ATP2B4: variants seen among roughly 807,000 people sequenced by gnomAD.
ATP2B4 encodes the protein plasma membrane calcium-transporting ATPase 4.
A neutral mutation model predicts 110.3 loss-of-function variants in ATP2B4; 39 were observed. The ratio of observed to expected loss-of-function variants is 0.35; its 90% CI spans 0.27 to 0.46. The LOEUF (loss-of-function observed/expected upper bound fraction) is 0.46, where lower values mean the gene tolerates loss of function less well. Ranked by LOEUF, ATP2B4 falls within the 20% of genes least tolerant of loss-of-function variation. The pLI is 1.00. For synonymous variants in ATP2B4, 538 were observed against 571.7 expected (o/e 0.94, Z 0.84); for missense variants, 1,135 against 1,530.9 (o/e 0.74, Z 4.32).
intron 5 of ATP2B4, 32 bp from the exon 6 acceptor site, chr1:203,700,766 C>T: frequency 6.2e-7 from 1 of 1,610,610 alleles, no homozygotes; most frequent in Non-Finnish European, 8.5e-7. Flanking sequence ...TTAAAAAACC[C>T]ATTCCTTCCC....
rs1201996637 is a variant in ATP2B4, at chr1:203,743,339, T to C, written c.*3485T>C. The C allele has an allele frequency of 3.9e-5, 6 of 152,750 alleles. No individual in the cohort carries two copies. The highest frequency in any genetic ancestry group is 1.9e-4 in the East Asian group (1 of 5,192). 9.5% of individuals were successfully genotyped at this position (152,750 alleles called of 1,614,324 possible). On this transcript the variant is annotated 3_prime_UTR_variant, in exon 21 of 21. Transcript: ENST00000357681. ...ATATCTAGGGACCACCCCCGATGCA[T>C]TGGTGAGGGTGGGCACTTATAAATG...
chr1:203,672,356 TA>T (rs71566123), intron 1 of ATP2B4, among the ~76,000 whole-genome samples: 3 of 59,706 alleles, frequency 5.0e-5, no homozygotes, highest in Admixed American at 1.9e-4. Context: ...TTTTTTTTTT[TA>T]AAGCTGATTT....
At chr1:203,734,655 G>A (rs566346480) in intron 20 of ATP2B4, among the ~76,000 whole-genome samples, 12 of 148,364 alleles carry the variant, frequency 8.1e-5, no homozygotes, top group Middle Eastern at 7.2e-3. Flanking sequence ...GCAGTGAGCC[G>A]AGATAGCACC....
In ATP2B4 at chr1:203,676,912, G is replaced by A. The variant is rs80318228; in HGVS notation, c.-464-5830G>A. ...TGCCTTCCCAGAAAGTTTACAAGAG[G>A]TAGATATTTCCCTGACCTATTTCAG... is the stretch of plus-strand genomic sequence containing the variant. On this transcript the variant is annotated intron_variant, in intron 1 of 20. Transcript: ENST00000357681. 2.7e-3 allele frequency among the ~76,000 whole-genome samples: 406 copies of A among 152,298 alleles called. 8 individuals carry two copies. The East Asian group carries it at 0.035, about 13-fold the overall frequency.
chr1:203,632,349 T>A (rs945139584), intron 1 of ATP2B4, among the ~76,000 whole-genome samples: 1 of 144,736 alleles, frequency 6.9e-6, no homozygotes, highest in African/African-American at 2.5e-5. Context: ...AAGTAAGAAA[T>A]TTTTTTTTTT....
At chr1:203,729,558 AAAAAG>A (rs1346547292) in intron 20 of ATP2B4, 1 of 451,654 alleles carries the variant, frequency 2.2e-6, no homozygotes, top group East Asian at 6.8e-5. Context: ...AAAAAAAAAA[AAAAAG>A]AAGAAGAAAA....
intron 2 of ATP2B4, among the ~76,000 whole-genome samples, chr1:203,686,281 T>C (rs1433204746): frequency 6.6e-6 from 1 of 152,186 alleles, no homozygotes; most frequent in Non-Finnish European, 1.5e-5. Flanking sequence ...TCTTGATCCC[T>C]CTGGTCAGCT....
chr1:203,698,218 C>CG lies in ATP2B4; in HGVS notation c.255_256insG (p.Pro86AlafsTer42). 6.2e-7 allele frequency: 1 copy of CG among 1,614,102 alleles called. No individual in the cohort carries two copies. Among genetic ancestry groups the CG allele is most frequent in the Non-Finnish European group, 8.5e-7 (1 of 1,179,996 alleles). On this transcript the variant is annotated frameshift_variant, in exon 3 of 21. Transcript: ENST00000357681. LOFTEE classifies it high-confidence loss of function. Reference sequence around the variant, plus strand: ...GGCAGGTGTTTGGACACAACGTGATCCCCCCCAAAAAGCCCAAGACTTTCT... The same window carrying CG: ...GGCAGGTGTTTGGACACAACGTGATCGCCCCCCAAAAAGCCCAAGACTTTCT...
At chr1:203,715,040 T>TC (rs1231847692) in intron 15 of ATP2B4, among the ~76,000 whole-genome samples, 2 of 151,942 alleles carry the variant, frequency 1.3e-5, no homozygotes, top group Non-Finnish European at 2.9e-5. Flanking sequence ...TTTCAGTGAT[T>TC]CCCCCCCATT....
intron 1 of ATP2B4, among the ~76,000 whole-genome samples, chr1:203,675,683 C>G (rs1296747576): frequency 6.6e-6 from 1 of 152,142 alleles, no homozygotes; most frequent in African/African-American, 2.4e-5. Context: ...AAGGTGCTGT[C>G]AGAGTAGCAG....
At chr1:203,696,415 C>G (rs77659276) in intron 2 of ATP2B4, among the ~76,000 whole-genome samples, 1 of 152,212 alleles carries the variant, frequency 6.6e-6, no homozygotes, top group African/African-American at 2.4e-5. Flanking sequence ...TTCTTGTTCT[C>G]TCTGTGAAGC....
intron 1 of ATP2B4, among the ~76,000 whole-genome samples, chr1:203,646,422 G>A (rs1340204114): frequency 1.3e-5 from 2 of 151,878 alleles, no homozygotes; most frequent in Non-Finnish European, 2.9e-5. Flanking sequence ...AATCCATCTT[G>A]GGCGATATAA....
intron 1 of ATP2B4, among the ~76,000 whole-genome samples, chr1:203,630,369 C>CTCT (rs1491269546): frequency 6.7e-4 from 10 of 14,960 alleles, no homozygotes; most frequent in African/African-American, 1.1e-3. Context: ...CTCTCTCTCT[C>CTCT]TTTTTTTTTT....
chr1:203,652,326 A>G (rs1175976804), intron 1 of ATP2B4, among the ~76,000 whole-genome samples: 1 of 151,922 alleles, frequency 6.6e-6, no homozygotes, highest in Non-Finnish European at 1.5e-5. Flanking sequence ...TTGTATGTTT[A>G]GTAGAGACGG....
intron 8 of ATP2B4, among the ~76,000 whole-genome samples, chr1:203,705,288 A>G (rs1273082975): frequency 3.9e-5 from 6 of 152,232 alleles, no homozygotes; most frequent in Admixed American, 6.5e-5. Flanking sequence ...CATATAAACT[A>G]TACATGGATG....
chr1:203,657,141 G>A (rs1664186642), intron 1 of ATP2B4: 2 of 829,984 alleles, frequency 2.4e-6, no homozygotes, highest in Non-Finnish European at 4.2e-6. Context: ...GTGGGGATGA[G>A]GGATTCTTCT....
Position 203,739,927 on chromosome 1 carries a change from T to C in ATP2B4, c.*73T>C. 1 of 1,481,188 alleles carries C rather than the reference T, an allele frequency of 6.8e-7. No homozygotes were observed. Among genetic ancestry groups the C allele is most frequent in the South Asian group, 1.3e-5 (1 of 74,906 alleles). The allele number at this position is 1,481,188 out of a possible 1,614,324, so 91.8% of individuals were successfully genotyped here. A position where few individuals can be genotyped will look rare whatever the true frequency, so the allele number is the denominator to read the frequency against. On this transcript the variant is annotated 3_prime_UTR_variant, in exon 21 of 21. Transcript: ENST00000357681. ...GTCTATCCCATCTATGAGGTGATGA[T>C]GGGACTTTTCATTGTCACGTCAGCT... is the stretch of plus-strand genomic sequence containing the variant.
chr1:203,720,071 AT>A (rs979133972), intron 15 of ATP2B4, among the ~76,000 whole-genome samples: 13 of 151,846 alleles, frequency 8.6e-5, no homozygotes, highest in African/African-American at 2.4e-4. Flanking sequence ...CTTGTCTCAA[AT>A]TTTTTTTTAA....
chr1:203,729,123 A>C lies in ATP2B4; in HGVS notation c.3309+1552A>C, dbSNP rs551474016. Among the ~76,000 whole-genome samples, 410 of 152,082 alleles carry C rather than the reference A, an allele frequency of 2.7e-3. 1 individual carries two copies. Among genetic ancestry groups the C allele is most frequent in the Non-Finnish European group, 3.7e-3 (250 of 67,972 alleles). On this transcript the variant is annotated intron_variant, in intron 20 of 20. Transcript: ENST00000357681. ...ACAGATTGAGAGTTGTCTCAAAAAA[A>C]AAAGAGAAAGAAAAGAAGTTCCCCA...
Sources: gnomAD v4.1 joint callset for allele counts (sites outside exome capture counted in the v4.1 genomes callset) on GRCh38, gnomAD v4.1.1 for gene constraint, MANE v1.5 for transcripts, NCBI Gene and HGNC (gene_info 2026-07-23, HGNC 2026-07-21) for gene names.